Variants in NIN observed in about 807,000 individuals in gnomAD.
NIN encodes the protein ninein.
In NIN, 137 loss-of-function variants were observed where a neutral mutation model predicts 257.6. The ratio of observed to expected loss-of-function variants is 0.53; its 90% CI spans 0.46 to 0.61. The LOEUF (loss-of-function observed/expected upper bound fraction) is 0.61. NIN is among the 20% of genes least tolerant of loss of function. The pLI, the probability that NIN is intolerant of heterozygous loss-of-function variation, is 0.00. For missense variants in NIN, 2,439 were observed against 2,501.2 expected (o/e 0.98, Z 0.53); for synonymous variants, 918 against 919.8 (o/e 1.00, Z 0.04).
intron 4 of NIN, among the ~76,000 whole-genome samples, chr14:50,802,029 T>C (rs1458714324): frequency 6.6e-6 from 1 of 152,260 alleles, no homozygotes; most frequent in Non-Finnish European, 1.5e-5. Flanking sequence ...GCCATGTAGC[T>C]TGGAGCTTGT....
rs1359505312 is a variant in NIN at position 50,771,331 on chromosome 14, C to A, written c.1118+1G>T. On this transcript the variant is annotated splice_donor_variant, in intron 10 of 30. Transcript: ENST00000530997. LOFTEE classifies it high-confidence loss of function. ...GCAGGCGAACCTTCTGCTCAACTCA[C>A]AACAAATGCCGGATTTCAGCCTTAA... The A allele has an allele frequency of 6.2e-7, 1 of 1,613,798 alleles. No individual in the cohort carries two copies. Among genetic ancestry groups the A allele is most frequent in the South Asian group, 1.1e-5 (1 of 91,008 alleles).
chr14:50,757,339 G>A lies in NIN; in HGVS notation c.3691C>T (p.Leu1231=), dbSNP rs532609650. 1 of 1,613,634 alleles carries A rather than the reference G, an allele frequency of 6.2e-7. No individual in the cohort carries two copies. Among genetic ancestry groups the A allele is most frequent in the Non-Finnish European group, 8.5e-7 (1 of 1,179,902 alleles). Reference sequence around the variant, plus strand: ...TCAAGCATCTTCAGTTTCTTTTTTAGCACAGAAACATCAAAAAGTAGGTCC... The same window carrying A: ...TCAAGCATCTTCAGTTTCTTTTTTAACACAGAAACATCAAAAAGTAGGTCC... The part of the protein sequence containing the change: ...KQDLLFDVSV[L]KKKLKMLERI... The change falls in exon 18 of 31, where the codon CTA becomes TTA. Residue 1231 remains leucine (L), a synonymous_variant. Coordinates refer to ENST00000530997, the MANE Select transcript of NIN (RefSeq NM_020921.4).
At chr14:50,814,209 C>T (rs1000405656) in intron 3 of NIN, among the ~76,000 whole-genome samples, 4 of 152,162 alleles carry the variant, frequency 2.6e-5, no homozygotes, top group Non-Finnish European at 5.9e-5. Flanking sequence ...AAGCTGTACT[C>T]CAAGACTGGT....
intron 4 of NIN, among the ~76,000 whole-genome samples, chr14:50,793,737 C>T (rs745521467): frequency 3.3e-4 from 50 of 152,276 alleles, no homozygotes; most frequent in Middle Eastern, 3.4e-3. Context: ...ACCACCACCA[C>T]CACCACCTCC....
intron 14 of NIN, among the ~76,000 whole-genome samples, chr14:50,764,234 T>C (rs1404749987): frequency 6.6e-6 from 1 of 152,202 alleles, no homozygotes; most frequent in Non-Finnish European, 1.5e-5. Flanking sequence ...GATATACAGA[T>C]GACTAATACA....
intron 3 of NIN, among the ~76,000 whole-genome samples, chr14:50,815,060 G>A (rs934225662): frequency 1.3e-5 from 2 of 152,162 alleles, no homozygotes. Context: ...TTAAACTAAA[G>A]AGCTTCTGCA....
rs1366446330 is a variant in NIN at position 50,720,624 on chromosome 14, AAC to A, written c.*2837_*2838del. The A allele has an allele frequency of 4.8e-6, 1 of 206,226 alleles. No homozygotes were observed. The highest frequency in any genetic ancestry group is 9.9e-6 in the Non-Finnish European group (1 of 100,610). 12.8% of individuals were successfully genotyped at this position (206,226 alleles called of 1,614,324 possible). On this transcript the variant is annotated 3_prime_UTR_variant, in exon 31 of 31. Coordinates refer to ENST00000530997, the MANE Select transcript of NIN (RefSeq NM_020921.4). ...ATTTCTGGGAAGAATTCACATTTAA[AAC>A]AGTTTAAAAAATCTGGATTTAGTAA... is the stretch of plus-strand genomic sequence containing the variant.
chr14:50,733,275 T>C (rs1472477386), intron 28 of NIN, among the ~76,000 whole-genome samples: 2 of 152,026 alleles, frequency 1.3e-5, no homozygotes, highest in African/African-American at 4.8e-5. Context: ...GTATTTTTAG[T>C]AGAGATGAGG....
At chr14:50,749,708 G>C (rs2140665421) in intron 21 of NIN, among the ~76,000 whole-genome samples, 1 of 152,014 alleles carries the variant, frequency 6.6e-6, no homozygotes, top group African/African-American at 2.4e-5. Context: ...TTTTGGTGGG[G>C]AGATAAGGTC....
chr14:50,731,113 G>A (rs2040674229), intron 28 of NIN: 1 of 312,628 alleles, frequency 3.2e-6, no homozygotes, highest in South Asian at 2.7e-5. Flanking sequence ...AAGAGCATAT[G>A]AAAGACACAT....
intron 24 of NIN, chr14:50,742,141 T>C (rs560136142): frequency 1.3e-5 from 2 of 154,756 alleles, no homozygotes; most frequent in South Asian, 4.0e-4. Flanking sequence ...AGGCTAGGCA[T>C]GGTGGCCCAC....
Position 50,770,480 on chromosome 14 carries a change from C to CAAGTTCTAAACG in NIN, c.1341_1342insCGTTTAGAACTT (p.Gln447_Ala448insArgLeuGluLeu). On this transcript the variant is annotated inframe_insertion, in exon 12 of 31. Transcript: ENST00000530997. ...TCAAGTTCTAAACGCTGCTTGCCTG[C>CAAGTTCTAAACG]CTGCTGCAGGATCTGCTCTCTCTCT... 1 of 1,614,202 alleles carries CAAGTTCTAAACG rather than the reference C, an allele frequency of 6.2e-7. No homozygotes were observed. Among genetic ancestry groups the CAAGTTCTAAACG allele is most frequent in the Non-Finnish European group, 8.5e-7 (1 of 1,180,030 alleles).
chr14:50,785,393 G>A (rs935225821), intron 5 of NIN, among the ~76,000 whole-genome samples: 14 of 152,366 alleles, frequency 9.2e-5, no homozygotes, highest in Middle Eastern at 3.4e-3. Context: ...ACCATTATGG[G>A]GGCAGACACC....
intron 5 of NIN, among the ~76,000 whole-genome samples, chr14:50,780,517 C>T (rs958755125): frequency 6.6e-6 from 1 of 152,138 alleles, no homozygotes; most frequent in African/African-American, 2.4e-5. Context: ...CAAGTTAATA[C>T]GAGTTGAAGT....
rs781699626 is a variant in NIN at position 50,765,063 on chromosome 14, TAAAAAAAAAAAA to T, written c.1636-1111_1636-1100del. Among the ~76,000 whole-genome samples the T allele has an allele frequency of 9.4e-3, 774 of 82,094 alleles. 3 individuals are homozygous for T. Among genetic ancestry groups the T allele is most frequent in the Admixed American group, 0.014 (97 of 6,852 alleles). 53.9% of individuals were successfully genotyped at this position (82,094 alleles called of 152,430 possible). A position where few individuals can be genotyped will look rare whatever the true frequency, so the allele number is the denominator to read the frequency against. ...AACATGGTGAAACCCTGTCTCTACTTAAAAAAAAAAAAAAAAAAAAAAAAAAAAATTAGGCGT... is the reference window on the plus strand; with the variant it reads ...AACATGGTGAAACCCTGTCTCTACTTAAAAAAAAAAAAAAAAATTAGGCGT... On this transcript the variant is annotated intron_variant, in intron 14 of 30. Coordinates refer to ENST00000530997, the MANE Select transcript of NIN (RefSeq NM_020921.4).
chr14:50,754,117 T>G (rs2041919918), intron 20 of NIN, among the ~76,000 whole-genome samples: 2 of 152,236 alleles, frequency 1.3e-5, no homozygotes, highest in African/African-American at 4.8e-5. Context: ...GAGCACTGAA[T>G]GGCACCAGCT....
chr14:50,812,114 T>C (rs188061345), intron 3 of NIN, among the ~76,000 whole-genome samples: 41 of 152,300 alleles, frequency 2.7e-4, no homozygotes, highest in African/African-American at 9.9e-4. Context: ...AGCGAGACTC[T>C]GTCTCTGAAA....
chr14:50,732,352 G>A (rs149977412), intron 28 of NIN, among the ~76,000 whole-genome samples: 102 of 152,278 alleles, frequency 6.7e-4, no homozygotes, highest in African/African-American at 2.2e-3. Flanking sequence ...GAGTGAGAAG[G>A]AATGTACCTA....
intron 29 of NIN, 150 bp downstream of exon 29, chr14:50,729,373 G>T (rs989804167): frequency 3.0e-6 from 2 of 676,338 alleles, no homozygotes; most frequent in South Asian, 2.1e-5. Flanking sequence ...GGCCTCAAGC[G>T]ATCCTCCCGT....
Sources: allele counts gnomAD v4.1 joint callset (sites outside exome capture counted in the v4.1 genomes callset), GRCh38; gene constraint gnomAD v4.1.1; transcripts MANE v1.5; gene names NCBI Gene and HGNC (gene_info 2026-07-23, HGNC 2026-07-21).